Variants in BCAS3 observed in about 807,000 individuals in gnomAD.
BCAS3 encodes BCAS4/BCAS3 fusion.
In BCAS3, 53 loss-of-function variants were observed where a neutral mutation model predicts 116.1. The observed-to-expected ratio is 0.46, with a 90% CI of 0.37 to 0.57. The LOEUF (loss-of-function observed/expected upper bound fraction) is 0.57. BCAS3 is among the 20% of genes least tolerant of loss of function. BCAS3 has a pLI of 0.00. For missense variants in BCAS3, 917 were observed against 1,165.4 expected, an observed-to-expected ratio of 0.79 and a Z score of 3.10; for synonymous variants, 391 against 408.2, an observed-to-expected ratio of 0.96 and a Z score of 0.51.
At chr17:60,829,841 A>G (rs931633920) in intron 7 of BCAS3, among the ~76,000 whole-genome samples, 21 of 152,122 alleles carry the variant, frequency 1.4e-4, no homozygotes, top group Non-Finnish European at 2.6e-4. Flanking sequence ...TCCTGTGTTG[A>G]TGATATCAGG....
At chr17:61,314,771 C>T (rs2054596252) in intron 22 of BCAS3, among the ~76,000 whole-genome samples, 1 of 152,180 alleles carries the variant, frequency 6.6e-6, no homozygotes. Flanking sequence ...TGTGTGGTCT[C>T]CTAAATGAAA....
At chr17:60,705,512 CAAA>C (rs1033436210) in intron 4 of BCAS3, among the ~76,000 whole-genome samples, 13 of 61,858 alleles carry the variant, frequency 2.1e-4, no homozygotes, top group African/African-American at 3.3e-4. Flanking sequence ...AGACTTGTCT[CAAA>C]AAAAAAAAAA....
intron 19 of BCAS3, among the ~76,000 whole-genome samples, chr17:61,061,259 G>A (rs760418978): frequency 6.6e-6 from 1 of 152,082 alleles, no homozygotes; most frequent in African/African-American, 2.4e-5. Context: ...AATTCTTCCT[G>A]CTGCATAATG....
intron 6 of BCAS3, among the ~76,000 whole-genome samples, chr17:60,797,254 C>T (rs2047295090): frequency 6.6e-6 from 1 of 152,184 alleles, no homozygotes; most frequent in African/African-American, 2.4e-5. Flanking sequence ...TTTCTTTATC[C>T]ATTCATCTAT....
intron 4 of BCAS3, among the ~76,000 whole-genome samples, chr17:60,695,091 A>G (rs2035404275): frequency 6.6e-6 from 1 of 151,018 alleles, no homozygotes; most frequent in African/African-American, 2.4e-5. Flanking sequence ...TTAAGGCTGA[A>G]TCATGCTTCA....
chr17:61,296,878 T>C (rs1258291251), intron 22 of BCAS3, among the ~76,000 whole-genome samples: 1 of 152,146 alleles, frequency 6.6e-6, no homozygotes, highest in Non-Finnish European at 1.5e-5. Context: ...CTTGGAGTTG[T>C]AGGAGAAATA....
intron 13 of BCAS3, among the ~76,000 whole-genome samples, chr17:60,930,164 C>G (rs2059571280): frequency 6.6e-6 from 1 of 152,000 alleles, no homozygotes; most frequent in Admixed American, 6.6e-5. Flanking sequence ...CCTTCTTTAC[C>G]CATACATGTA....
Position 61,196,424 on chromosome 17 carries a change from C to T in BCAS3, c.2425+111860C>T, listed in dbSNP as rs985988048. On this transcript the variant is annotated intron_variant, in intron 22 of 23. Coordinates refer to ENST00000407086, the MANE Select transcript of BCAS3 (RefSeq NM_017679.5). This position sits in a 1 kb window ranked among gnomAD's most constrained non-coding sequence, Gnocchi z 4.7. ...CTAAAAATGAAAACCATGCCCCAGC[C>T]GGGACAAGAACAGGGTCAACAGCTG... is the stretch of plus-strand genomic sequence containing the variant. 8.5e-5 allele frequency among the ~76,000 whole-genome samples: 13 copies of T among 152,138 alleles called. No individual in the cohort carries two copies. The highest frequency in any genetic ancestry group is 2.9e-4 in the African/African-American group (12 of 41,420).
At chr17:61,312,298 G>T (rs540479998) in intron 22 of BCAS3, among the ~76,000 whole-genome samples, 3 of 152,232 alleles carry the variant, frequency 2.0e-5, no homozygotes, top group South Asian at 4.1e-4. Flanking sequence ...AGTGGGGGAG[G>T]GTGTCAGCTC....
chr17:60,783,057 AT>A (rs2045968462), intron 6 of BCAS3, among the ~76,000 whole-genome samples: 1 of 152,136 alleles, frequency 6.6e-6, no homozygotes, highest in Admixed American at 6.5e-5. Flanking sequence ...CAGTGAAAAT[AT>A]TTGATATGCT....
intron 22 of BCAS3, among the ~76,000 whole-genome samples, chr17:61,267,366 A>C (rs2049824724): frequency 6.6e-6 from 1 of 151,952 alleles, no homozygotes; most frequent in Non-Finnish European, 1.5e-5. Context: ...TGGAAAGTTA[A>C]TTTTTAAATT....
chr17:60,813,683 G>A (rs929282589), intron 7 of BCAS3, among the ~76,000 whole-genome samples: 1 of 152,070 alleles, frequency 6.6e-6, no homozygotes, highest in East Asian at 1.9e-4. Flanking sequence ...CCCAATTGTC[G>A]ATTTTGTTTT....
chr17:61,329,387 C>G (rs1277029068), intron 22 of BCAS3, among the ~76,000 whole-genome samples: 2 of 148,962 alleles, frequency 1.3e-5, no homozygotes, highest in Non-Finnish European at 3.0e-5. Context: ...GTCGCCCAGG[C>G]CGGAGTGCAG....
chr17:60,809,964 G>A (rs2048644597), intron 7 of BCAS3, among the ~76,000 whole-genome samples: 1 of 152,286 alleles, frequency 6.6e-6, no homozygotes, highest in Non-Finnish European at 1.5e-5. Context: ...ACTGCAAATT[G>A]TGGAAGAAGA....
chr17:61,237,639 A>G (rs1293852969), intron 22 of BCAS3, among the ~76,000 whole-genome samples: 1 of 152,258 alleles, frequency 6.6e-6, no homozygotes, highest in East Asian at 1.9e-4. Context: ...GGCAGGAACC[A>G]GCTCTGGATA....
chr17:60,754,854 A>G (rs2042852658), intron 6 of BCAS3, among the ~76,000 whole-genome samples: 1 of 60,098 alleles, frequency 1.7e-5, no homozygotes, highest in South Asian at 6.0e-3. Flanking sequence ...TTGACATTTT[A>G]AATGGCTAAA....
At chr17:61,274,235 T>A (rs1370438458) in intron 22 of BCAS3, among the ~76,000 whole-genome samples, 1 of 151,784 alleles carries the variant, frequency 6.6e-6, no homozygotes, top group Non-Finnish European at 1.5e-5. Flanking sequence ...TTGTGATAGT[T>A]TGCTGAGAAT....
At chr17:61,153,826 C>T (rs2077676600) in intron 22 of BCAS3, among the ~76,000 whole-genome samples, 1 of 152,184 alleles carries the variant, frequency 6.6e-6, no homozygotes, top group Non-Finnish European at 1.5e-5. Context: ...AGTAACACAG[C>T]GATGTGTGCA....
chr17:61,323,875 C>T lies in BCAS3; in HGVS notation c.2426-44452C>T, dbSNP rs1051286786. The stretch of plus-strand genomic sequence containing the variant: ...GGCCCCTGTGTGGGTTCCTTGGCTC[C>T]GTGTTTCTCGTCTTTCCCAGACGCT... On this transcript the variant is annotated intron_variant, in intron 22 of 23. Transcript: ENST00000407086. This position sits in a 1 kb window ranked among gnomAD's most constrained non-coding sequence, Gnocchi z 4.6. 7.2e-5 allele frequency among the ~76,000 whole-genome samples: 11 copies of T among 152,228 alleles called. No homozygotes were observed. Among genetic ancestry groups the T allele is most frequent in the Non-Finnish European group, 1.3e-4 (9 of 68,042 alleles).
Sources: allele counts gnomAD v4.1 joint callset (sites outside exome capture counted in the v4.1 genomes callset), GRCh38; gene constraint gnomAD v4.1.1; non-coding constraint Gnocchi (gnomAD v3.1); transcripts MANE v1.5; gene names NCBI Gene and HGNC (gene_info 2026-07-23, HGNC 2026-07-21).